The following SYNPO variants were observed in gnomAD, a reference collection of about 807,000 sequenced individuals.
The protein encoded by SYNPO is synaptopodin.
Under a neutral mutation model 49.5 loss-of-function variants are expected in SYNPO, and 19 were observed. That is an observed-to-expected ratio of 0.38 (90% CI 0.27 to 0.56). SYNPO has a LOEUF of 0.56. Among genes scored for constraint, SYNPO ranks in the 20% least tolerant of loss-of-function variants. The probability of loss-of-function intolerance (pLI) is 0.68; values close to 1 mark genes in which losing one functional copy is unlikely to be tolerated. For synonymous variants in SYNPO, 536 were observed against 548.0 expected, an observed-to-expected ratio of 0.98 and a Z score of 0.31; for missense variants, 1,131 against 1,248.3, an observed-to-expected ratio of 0.91 and a Z score of 1.42.
Position 150,657,456 on chromosome 5 carries a change from A to G in SYNPO, c.*369A>G. The G allele has an allele frequency of 4.5e-6, 1 of 222,070 alleles. No individual in the cohort carries two copies. The highest frequency in any genetic ancestry group is 2.3e-5 in the African/African-American group (1 of 43,778). The allele number at this position is 222,070 out of a possible 1,614,324, so 13.8% of individuals were successfully genotyped here. A position where few individuals can be genotyped will look rare whatever the true frequency, so the allele number is the denominator to read the frequency against. On this transcript the variant is annotated 3_prime_UTR_variant, in exon 3 of 3. Transcript: ENST00000307662. ...CTCACACACACACACACACACACAC[A>G]CACACACACACACACACACACTAGT...
chr5:150,616,586 T>C (rs892972622), intron 1 of SYNPO, among the ~76,000 whole-genome samples: 1 of 152,192 alleles, frequency 6.6e-6, no homozygotes, highest in Non-Finnish European at 1.5e-5. Context: ...TTCTCCCCTG[T>C]TCTCTAGACC....
chr5:150,606,117 C>T (rs947585210), intron 1 of SYNPO, among the ~76,000 whole-genome samples: 2 of 152,172 alleles, frequency 1.3e-5, no homozygotes, highest in East Asian at 1.9e-4. Context: ...ATGCAGATAT[C>T]CACATAAACA....
intron 1 of SYNPO, among the ~76,000 whole-genome samples, chr5:150,643,885 C>A (rs887321327): frequency 6.6e-6 from 1 of 151,940 alleles, no homozygotes; most frequent in African/African-American, 2.4e-5. Context: ...ATCAAGAAAG[C>A]GGATGATGGC....
the SYNPO span, among the ~76,000 whole-genome samples, chr5:150,592,295 TG>T: frequency 6.6e-6 from 1 of 152,220 alleles, no homozygotes; most frequent in African/African-American, 2.4e-5. Context: ...CTACTTACCC[TG>T]GAAAAAGTTA....
chr5:150,641,755 G>T lies in SYNPO; in HGVS notation c.-333+901G>T, dbSNP rs144885127. ...CAGTCCTTTCTACCTTAGTAAGAATGAGTTTATCAACTCTTCTCCTGAAAG... is the reference window on the plus strand; with the variant it reads ...CAGTCCTTTCTACCTTAGTAAGAATTAGTTTATCAACTCTTCTCCTGAAAG... On this transcript the variant is annotated intron_variant, in intron 1 of 2. Coordinates refer to ENST00000307662, the MANE Select transcript of SYNPO (RefSeq NM_007286.6). Among the ~76,000 whole-genome samples, 338 of 152,356 alleles carry T rather than the reference G, an allele frequency of 2.2e-3. 8 individuals are homozygous for T. In the South Asian group the frequency reaches 0.034, roughly 15 times the overall value.
intron 2 of SYNPO, chr5:150,653,477 TCTCCTGGCTGAAGA>T (rs1758460476): frequency 6.6e-6 from 1 of 152,278 alleles, no homozygotes; most frequent in African/African-American, 2.4e-5. Context: ...TGCAGCCTAC[TCTCCTGGCTGAAGA>T]CCCCAGGTTC....
chr5:150,626,957 C>T (rs1440422429), intron 2 of SYNPO, among the ~76,000 whole-genome samples: 1 of 152,192 alleles, frequency 6.6e-6, no homozygotes, highest in Non-Finnish European at 1.5e-5. Context: ...CAGCCCATTT[C>T]CAGGGCTGAC....
chr5:150,619,197 A>G (rs771337443), intron 2 of SYNPO, among the ~76,000 whole-genome samples: 2 of 152,066 alleles, frequency 1.3e-5, no homozygotes, highest in Admixed American at 6.5e-5. Context: ...CACTGGACCA[A>G]ACGGATGTGG....
chr5:150,611,223 CAT>C (rs1441030053), intron 1 of SYNPO, among the ~76,000 whole-genome samples: 2 of 152,234 alleles, frequency 1.3e-5, no homozygotes, highest in Non-Finnish European at 2.9e-5. Flanking sequence ...CCCCAGCTAA[CAT>C]GTGAGCTTCA....
chr5:150,629,457 T>C (rs1757469061), intron 2 of SYNPO, among the ~76,000 whole-genome samples: 1 of 152,164 alleles, frequency 6.6e-6, no homozygotes, highest in Non-Finnish European at 1.5e-5. Flanking sequence ...CACTTCTGAC[T>C]GCTGAGATAT....
intron 2 of SYNPO, among the ~76,000 whole-genome samples, chr5:150,631,349 A>G (rs1235624198): frequency 6.6e-6 from 1 of 152,194 alleles, no homozygotes; most frequent in African/African-American, 2.4e-5. Context: ...GGACCTGTGA[A>G]CAGACCTGAA....
chr5:150,637,900 T>G (rs28491992), upstream of SYNPO, among the ~76,000 whole-genome samples: 53,870 of 151,726 alleles, frequency 0.36, 10,941 homozygotes, highest in African/African-American at 0.54. Flanking sequence ...CCCAAGGAGT[T>G]GGGGGCAGTT....
At chr5:150,602,948 G>T (rs181582227) in intron 1 of SYNPO, among the ~76,000 whole-genome samples, 1 of 151,036 alleles carries the variant, frequency 6.6e-6, no homozygotes, top group Non-Finnish European at 1.5e-5. Flanking sequence ...ACTAGCAACC[G>T]CCCTGTAATT....
chr5:150,632,120 A>ACC (rs150666367), intron 2 of SYNPO, among the ~76,000 whole-genome samples: 2,078 of 152,092 alleles, frequency 0.014, 56 homozygotes, highest in African/African-American at 0.047. Flanking sequence ...TCTAGGGCAC[A>ACC]CCCCTTTTTC....
chr5:150,656,062 A>C (rs1192177083), intron 2 of SYNPO, among the ~76,000 whole-genome samples: 1 of 152,224 alleles, frequency 6.6e-6, no homozygotes, highest in Non-Finnish European at 1.5e-5. Flanking sequence ...CCCTCACAAC[A>C]ACCCTATAAG....
intron 1 of SYNPO, among the ~76,000 whole-genome samples, chr5:150,601,995 G>T (rs1756555975): frequency 6.6e-6 from 1 of 152,202 alleles, no homozygotes. Flanking sequence ...GCCCTGGCAG[G>T]TGAGAAAACC....
chr5:150,645,422 T>A (rs1214350271), intron 1 of SYNPO, among the ~76,000 whole-genome samples: 1 of 152,358 alleles, frequency 6.6e-6, no homozygotes. Flanking sequence ...CACCTGTCTG[T>A]CAATGCATTT....
chr5:150,609,441 T>C (rs1262424009), intron 1 of SYNPO, among the ~76,000 whole-genome samples: 2 of 152,130 alleles, frequency 1.3e-5, no homozygotes, highest in East Asian at 1.9e-4. Flanking sequence ...ATTACAGGCA[T>C]GCACCACCAC....
At chr5:150,624,809 G>A in intron 2 of SYNPO, 1 of 967,616 alleles carries the variant, frequency 1.0e-6, no homozygotes, top group Non-Finnish European at 1.2e-6. Context: ...GCGGGGCGGG[G>A]GTGGCGGGGA....
Sources: allele counts gnomAD v4.1 joint callset (sites outside exome capture counted in the v4.1 genomes callset), GRCh38; gene constraint gnomAD v4.1.1; transcripts MANE v1.5; gene names NCBI Gene and HGNC (gene_info 2026-07-23, HGNC 2026-07-21).